KDM4C: variants seen among roughly 807,000 people sequenced by gnomAD.
KDM4C encodes lysine demethylase 4C, also known as lysine-specific demethylase 4C.
In KDM4C, 81 loss-of-function variants were observed where a neutral mutation model predicts 129.3. The ratio of observed to expected loss-of-function variants is 0.63; its 90% CI spans 0.52 to 0.75. KDM4C has a LOEUF of 0.75. Among genes scored for constraint, KDM4C ranks in the 30% least tolerant of loss-of-function variants. KDM4C has a pLI of 0.00. For missense variants in KDM4C, 1,457 were observed against 1,304.0 expected (o/e 1.12, Z -1.81); for synonymous variants, 573 against 456.1 (o/e 1.26, Z -3.26).
chr9:6,757,499 CGGCCACCG>C, upstream of KDM4C: 1 of 444,344 alleles, frequency 2.3e-6, no homozygotes, highest in Non-Finnish European at 3.0e-6. Flanking sequence ...TCAGTGGTCC[CGGCCACCG>C]GGTGAAGGGA....
chr9:7,007,939 G>A (rs550879339), intron 12 of KDM4C, among the ~76,000 whole-genome samples: 21 of 152,158 alleles, frequency 1.4e-4, no homozygotes, highest in African/African-American at 3.9e-4. Context: ...ACTTCACAGC[G>A]CTTGTCCCCT....
chr9:6,806,452 C>G (rs1037537796), intron 3 of KDM4C, among the ~76,000 whole-genome samples: 1 of 151,914 alleles, frequency 6.6e-6, no homozygotes. Context: ...CGAGATCACG[C>G]CATTGCACTC....
chr9:6,782,309 G>A (rs911685813), intron 1 of KDM4C, among the ~76,000 whole-genome samples: 1 of 152,206 alleles, frequency 6.6e-6, no homozygotes, highest in Non-Finnish European at 1.5e-5. Context: ...AGTTTTGCCA[G>A]ATAGGCACCA....
At chr9:7,076,572 G>C in intron 17 of KDM4C, 3 of 1,510,608 alleles carry the variant, frequency 2.0e-6, no homozygotes, top group Non-Finnish European at 2.7e-6. Context: ...TTCTCCATGG[G>C]AGCAGCCAGC....
intron 8 of KDM4C, among the ~76,000 whole-genome samples, chr9:6,930,740 T>C (rs1297326087): frequency 2.2e-5 from 3 of 137,032 alleles, no homozygotes; most frequent in Non-Finnish European, 5.0e-5. Flanking sequence ...ATAATTATAT[T>C]ATTATGTATC....
rs200393145 is a variant in KDM4C at position 7,046,842 on chromosome 9, G to T, written c.2260-20G>T. ...GTTATGTGGGTCTGGTCATCATGTG[G>T]TATTTTCTTTTCCCCCCAGGAATGC... On this transcript the variant is annotated intron_variant, in intron 15 of 21. Coordinates refer to ENST00000381309, the MANE Select transcript of KDM4C (RefSeq NM_015061.6). 6.3e-7 allele frequency: 1 copy of T among 1,577,404 alleles called. No homozygotes were observed. The highest frequency in any genetic ancestry group is 2.2e-5 in the East Asian group (1 of 44,626).
intron 2 of KDM4C, among the ~76,000 whole-genome samples, chr9:6,795,567 A>G (rs1827576026): frequency 6.6e-6 from 1 of 152,078 alleles, no homozygotes; most frequent in Non-Finnish European, 1.5e-5. Flanking sequence ...CCTGACCTCA[A>G]ATGACCTGCC....
chr9:6,956,991 T>G (rs1829177475), intron 8 of KDM4C, among the ~76,000 whole-genome samples: 1 of 152,154 alleles, frequency 6.6e-6, no homozygotes, highest in Admixed American at 6.5e-5. Flanking sequence ...GTTGCAGTCT[T>G]TCTCACAGTT....
intron 9 of KDM4C, among the ~76,000 whole-genome samples, chr9:6,982,991 A>G (rs1457545445): frequency 6.6e-6 from 1 of 152,204 alleles, no homozygotes; most frequent in Admixed American, 6.5e-5. Flanking sequence ...GATGAAGGGA[A>G]TGATTCATTG....
chr9:6,828,766 G>C (rs1001166516), intron 4 of KDM4C, among the ~76,000 whole-genome samples: 2 of 152,094 alleles, frequency 1.3e-5, no homozygotes, highest in African/African-American at 4.8e-5. Flanking sequence ...AGCTACTCAG[G>C]AGGCTGAGGC....
intron 2 of KDM4C, among the ~76,000 whole-genome samples, chr9:6,795,241 T>C (rs985924380): frequency 2.6e-5 from 4 of 152,224 alleles, no homozygotes; most frequent in Non-Finnish European, 1.5e-5. Context: ...CTCCTGCAAA[T>C]GGACCTGATG....
intron 21 of KDM4C, among the ~76,000 whole-genome samples, chr9:7,171,135 C>T (rs967363576): frequency 6.6e-6 from 1 of 152,030 alleles, no homozygotes; most frequent in Non-Finnish European, 1.5e-5. Context: ...AACTGACTTT[C>T]CTCTCAGCTG....
At chr9:7,080,714 A>G (rs1424998036) in intron 17 of KDM4C, among the ~76,000 whole-genome samples, 1 of 152,210 alleles carries the variant, frequency 6.6e-6, no homozygotes, top group Non-Finnish European at 1.5e-5. Flanking sequence ...AAGCGCACAT[A>G]TAATTATATT....
chr9:7,161,673 G>T (rs1843812216), intron 19 of KDM4C, among the ~76,000 whole-genome samples: 1 of 152,124 alleles, frequency 6.6e-6, no homozygotes, highest in Non-Finnish European at 1.5e-5. Context: ...CCCTGGCTTG[G>T]GCTGCTGGGC....
At chr9:7,086,442 G>GA (rs1364445197) in intron 17 of KDM4C, among the ~76,000 whole-genome samples, 1 of 152,164 alleles carries the variant, frequency 6.6e-6, no homozygotes, top group Non-Finnish European at 1.5e-5. Flanking sequence ...TTCTCAATGG[G>GA]ATCTTTTTTA....
intron 17 of KDM4C, among the ~76,000 whole-genome samples, chr9:7,089,414 GC>G (rs1352258239): frequency 2.6e-5 from 4 of 152,154 alleles, no homozygotes. Flanking sequence ...TTGTAGGGAG[GC>G]AGAGCAAAGG....
upstream of KDM4C, chr9:6,757,503 C>A: frequency 2.1e-6 from 1 of 468,278 alleles, no homozygotes; most frequent in Non-Finnish European, 2.8e-6. Flanking sequence ...TGGTCCCGGC[C>A]ACCGGGTGAA....
chr9:6,890,628 CTT>C (rs879912511), intron 7 of KDM4C, among the ~76,000 whole-genome samples: 2 of 145,072 alleles, frequency 1.4e-5, no homozygotes. Context: ...AACAGGTGCT[CTT>C]TTTTTTTTTT....
At chr9:6,749,806 G>C (rs1003927142) in intron 1 of KDM4C, among the ~76,000 whole-genome samples, 1 of 151,326 alleles carries the variant, frequency 6.6e-6, no homozygotes, top group Non-Finnish European at 1.5e-5. Context: ...GACCAACATG[G>C]TGAAACCCTG....
Sources: gnomAD v4.1 joint callset for allele counts (sites outside exome capture counted in the v4.1 genomes callset) on GRCh38, gnomAD v4.1.1 for gene constraint, MANE v1.5 for transcripts, NCBI Gene and HGNC (gene_info 2026-07-23, HGNC 2026-07-21) for gene names.